Variants in HDAC4 observed in about 807,000 individuals in gnomAD.
HDAC4 encodes the protein histone deacetylase A.
In HDAC4, 16 loss-of-function variants were observed where a neutral mutation model predicts 135.1. That is an observed-to-expected ratio of 0.12 (90% CI 0.08 to 0.18). The LOEUF (loss-of-function observed/expected upper bound fraction) is 0.18. HDAC4 is among the 10% of genes least tolerant of loss of function. The pLI, the probability that HDAC4 is intolerant of heterozygous loss-of-function variation, is 1.00. For synonymous variants in HDAC4, 685 were observed against 653.4 expected, an observed-to-expected ratio of 1.05 and a Z score of -0.74; for missense variants, 1,143 against 1,511.8, an observed-to-expected ratio of 0.76 and a Z score of 4.05.
intron 1 of HDAC4, among the ~76,000 whole-genome samples, chr2:239,372,076 T>C (rs879264349): frequency 6.6e-5 from 10 of 152,014 alleles, no homozygotes; most frequent in Admixed American, 6.5e-4. Context: ...GCTGGGGGTC[T>C]CTCCAACGAG....
rs1206279494 is a variant in HDAC4, at chr2:239,115,519, CCCCAGCCCAGGGTCAAGGTG to C, written c.1534-229_1534-210del. ...CCTAAGAAAATAATGCCCAGTAGGA[CCCCAGCCCAGGGTCAAGGTG>C]ACCTGGCCCAGGGAAGGAGGCTGAC... On this transcript the variant is annotated intron_variant, in intron 12 of 26. Transcript: ENST00000543185. This position sits in a 1 kb window ranked among gnomAD's most constrained non-coding sequence, Gnocchi z 6.3. Among the ~76,000 whole-genome samples the C allele has an allele frequency of 1.8e-4, 28 of 152,226 alleles. No homozygotes were observed. The highest frequency in any genetic ancestry group is 1.8e-3 in the Admixed American group (28 of 15,306).
At chr2:239,065,079 G>A (rs1353807653) in intron 24 of HDAC4, among the ~76,000 whole-genome samples, 1 of 152,228 alleles carries the variant, frequency 6.6e-6, no homozygotes, top group East Asian at 1.9e-4. Context: ...TAGTTGCACG[G>A]CACCCGGACC....
At chr2:239,155,415 T>G (rs980762248) in intron 7 of HDAC4, 1 of 146,298 alleles carries the variant, frequency 6.8e-6, no homozygotes, top group Admixed American at 6.7e-5. Context: ...TGGCCTGATA[T>G]GGCCCACTCC....
chr2:239,293,490 C>T (rs900750732), intron 2 of HDAC4, among the ~76,000 whole-genome samples: 11 of 152,158 alleles, frequency 7.2e-5, no homozygotes, highest in Non-Finnish European at 1.3e-4. Context: ...TTAACAAGGG[C>T]GGAGAGCAGC....
At chr2:239,191,741 G>A (rs889865150) in intron 3 of HDAC4, among the ~76,000 whole-genome samples, 2 of 152,086 alleles carry the variant, frequency 1.3e-5, no homozygotes, top group African/African-American at 2.4e-5. Flanking sequence ...CTGCCCCACC[G>A]CAGTCAATCA....
chr2:239,184,069 TAAAAAAAA>T (rs58952360), intron 4 of HDAC4, among the ~76,000 whole-genome samples: 2 of 71,402 alleles, frequency 2.8e-5, no homozygotes, highest in East Asian at 5.1e-4. Flanking sequence ...CTTGCTAGTG[TAAAAAAAA>T]AAAAAAAAAA....
At position 239,346,319 on chromosome 2, in the gene HDAC4, G is replaced by A. The variant is rs559602510; in HGVS notation, c.22+6359C>T. 2.2e-4 allele frequency among the ~76,000 whole-genome samples: 25 copies of A among 113,158 alleles called. No homozygotes were observed. In the South Asian group the frequency reaches 4.6e-3, roughly 21 times the overall value. 74.2% of individuals were successfully genotyped at this position (113,158 alleles called of 152,430 possible). A position where few individuals can be genotyped will look rare whatever the true frequency, so the allele number is the denominator to read the frequency against. On this transcript the variant is annotated intron_variant, in intron 2 of 26. Coordinates refer to ENST00000543185, the MANE Select transcript of HDAC4 (RefSeq NM_001378414.1). ...AACACAAACACACCCTAACACACAC[G>A]CATACAGACCATACACACCCGTCTA...
chr2:239,137,620 C>T (rs73099574), intron 9 of HDAC4, among the ~76,000 whole-genome samples: 12,008 of 152,200 alleles, frequency 0.079, 1,602 homozygotes, highest in African/African-American at 0.27. Flanking sequence ...GGCTGGGAGG[C>T]CCCTGCTCCC....
intron 1 of HDAC4, among the ~76,000 whole-genome samples, chr2:239,368,289 T>C (rs1478198508): frequency 6.6e-6 from 1 of 152,042 alleles, no homozygotes; most frequent in Non-Finnish European, 1.5e-5. Context: ...ATGTGAGGGA[T>C]GTGGGGCCCG....
At chr2:239,288,357 G>A (rs2125465122) in intron 2 of HDAC4, among the ~76,000 whole-genome samples, 1 of 152,252 alleles carries the variant, frequency 6.6e-6, no homozygotes, top group South Asian at 2.1e-4. Flanking sequence ...ACTTAAATTG[G>A]GAAAAATGTT....
At chr2:239,088,023 C>T (rs895868666) in intron 18 of HDAC4, among the ~76,000 whole-genome samples, 2 of 152,224 alleles carry the variant, frequency 1.3e-5, no homozygotes, top group African/African-American at 2.4e-5. Flanking sequence ...AGGGGCCCCA[C>T]TCAAGGACTT....
At chr2:239,326,863 G>A (rs2053483165) in intron 2 of HDAC4, among the ~76,000 whole-genome samples, 1 of 152,186 alleles carries the variant, frequency 6.6e-6, no homozygotes, top group Non-Finnish European at 1.5e-5. Flanking sequence ...TCTGAATGCT[G>A]ATGGGAGCCT....
intron 5 of HDAC4, among the ~76,000 whole-genome samples, chr2:239,169,338 A>G (rs2043306526): frequency 6.6e-6 from 1 of 152,196 alleles, no homozygotes; most frequent in African/African-American, 2.4e-5. Flanking sequence ...CGTGGCGCAC[A>G]CCCGCGATGT....
rs771572425 is a variant in HDAC4 at position 239,049,423 on chromosome 2, C to A, written c.*3674G>T. The A allele has an allele frequency of 1.3e-5, 2 of 152,242 alleles. No individual in the cohort carries two copies. The highest frequency in any genetic ancestry group is 2.9e-5 in the Non-Finnish European group (2 of 68,000). The allele number at this position is 152,242 out of a possible 1,614,324, so 9.4% of individuals were successfully genotyped here. A position where few individuals can be genotyped will look rare whatever the true frequency, so the allele number is the denominator to read the frequency against. ...TATAAAGTCATGCCGGTCGTACAGT[C>A]CATGCAACCTCCAGGTGTAGGAAAC... is the stretch of plus-strand genomic sequence containing the variant. On this transcript the variant is annotated 3_prime_UTR_variant, in exon 27 of 27. Coordinates refer to ENST00000543185, the MANE Select transcript of HDAC4 (RefSeq NM_001378414.1).
intron 11 of HDAC4, among the ~76,000 whole-genome samples, chr2:239,131,605 G>A (rs975113118): frequency 1.3e-5 from 2 of 152,194 alleles, no homozygotes; most frequent in Admixed American, 6.5e-5. Context: ...GGCTGGCTGC[G>A]GTCTGGTCCA....
chr2:239,096,479 G>GCCCGCCCCCCGC (rs1404281858), intron 16 of HDAC4, among the ~76,000 whole-genome samples: 2 of 107,868 alleles, frequency 1.9e-5, no homozygotes, highest in South Asian at 6.7e-4. Flanking sequence ...CCCCATGGAT[G>GCCCGCCCCCCGC]CCCGCCCCCC....
At chr2:239,334,375 G>T (rs1265863048) in intron 2 of HDAC4, among the ~76,000 whole-genome samples, 1 of 152,016 alleles carries the variant, frequency 6.6e-6, no homozygotes, top group African/African-American at 2.4e-5. Context: ...GAAAAAATTA[G>T]CCAGGCATGG....
intron 22 of HDAC4, among the ~76,000 whole-genome samples, chr2:239,077,810 C>T (rs933954545): frequency 6.6e-6 from 1 of 152,172 alleles, no homozygotes. Context: ...GCAGCAACAG[C>T]AGCAACACAG....
chr2:239,118,190 G>T (rs2039312453), intron 12 of HDAC4, among the ~76,000 whole-genome samples: 1 of 151,932 alleles, frequency 6.6e-6, no homozygotes, highest in Non-Finnish European at 1.5e-5. Flanking sequence ...TTGGGCGGGG[G>T]GTTTGTTTTA....
Sources: gnomAD v4.1 joint callset for allele counts (sites outside exome capture counted in the v4.1 genomes callset) on GRCh38, gnomAD v4.1.1 for gene constraint, Gnocchi (gnomAD v3.1) non-coding constraint, MANE v1.5 for transcripts, NCBI Gene and HGNC (gene_info 2026-07-23, HGNC 2026-07-21) for gene names.